Variants in AFMID observed in about 807,000 individuals in gnomAD.
The protein encoded by AFMID is kynurenine formamidase.
In AFMID, 39 loss-of-function variants were observed where a neutral mutation model predicts 47.5. The ratio of observed to expected loss-of-function variants is 0.82; its 90% CI spans 0.64 to 1.07. The LOEUF is 1.07. AFMID is among the 50% of genes least tolerant of loss of function. The pLI is 0.00. For synonymous variants in AFMID, 130 were observed against 153.2 expected (o/e 0.85, Z 1.12); for missense variants, 375 against 387.5 (o/e 0.97, Z 0.27).
intron 2 of AFMID, among the ~76,000 whole-genome samples, chr17:78,195,520 G>T (rs10852707): frequency 0.46 from 63,038 of 138,268 alleles, 14,595 homozygotes; most frequent in African/African-American, 0.64. Flanking sequence ...TTTTTTTTTT[G>T]GGGCGGAGTT....
chr17:78,190,684 G>A, intron 1 of AFMID: 1 of 347,728 alleles, frequency 2.9e-6, no homozygotes, highest in Non-Finnish European at 5.3e-6. Context: ...GAGCCACCGG[G>A]CCACCTGGCC....
In AFMID at chr17:78,202,582, T is replaced by C; in HGVS notation, c.238T>C (p.Phe80Leu). The C allele has an allele frequency of 6.2e-7, 1 of 1,614,096 alleles. No individual in the cohort carries two copies. Among genetic ancestry groups the C allele is most frequent in the Non-Finnish European group, 8.5e-7 (1 of 1,180,008 alleles). Residue 80 changes from phenylalanine (F) to leucine (L), a missense_variant, in exon 3 of 11, where the codon TTC becomes CTC. Phe to Leu is a conservative substitution (Grantham distance 22). Transcript: ENST00000409257. Reference sequence around the variant, plus strand: ...CGAAGGGGAGAAAGTGGACATTTACTTCCCCGACGAGTCGTCTGAAGGTTG... The same window carrying C: ...CGAAGGGGAGAAAGTGGACATTTACCTCCCCGACGAGTCGTCTGAAGGTTG... ...DGEGEKVDIY[F>L]PDESSEALPF...
chr17:78,206,122 A>C, intron 10 of AFMID, 72 bp downstream of exon 10: 1 of 1,360,470 alleles, frequency 7.4e-7, no homozygotes, highest in Non-Finnish European at 1.0e-6. Context: ...TAGATGTGCA[A>C]ACCAGGAGTT....
chr17:78,199,736 C>T (rs1454163521), intron 2 of AFMID, among the ~76,000 whole-genome samples: 5 of 152,180 alleles, frequency 3.3e-5, no homozygotes, highest in African/African-American at 1.2e-4. Context: ...CCTCCAGGGA[C>T]AGGGATCCCA....
chr17:78,204,561 G>A (rs952878632), intron 4 of AFMID, 95 bp from the exon 5 acceptor site: 23 of 1,202,920 alleles, frequency 1.9e-5, no homozygotes, highest in African/African-American at 1.8e-4. Context: ...GATGCTGTGC[G>A]TGGACAGGAC....
chr17:78,204,818 CTCTG>C lies in AFMID; in HGVS notation c.395-8_395-5del. 1 of 1,614,228 alleles carries C rather than the reference CTCTG, an allele frequency of 6.2e-7. No homozygotes were observed. The highest frequency in any genetic ancestry group is 1.7e-5 in the Admixed American group (1 of 60,022). The stretch of plus-strand genomic sequence containing the variant: ...GTGCATCCCTGACCCAGCTCATGCT[CTCTG>C]TGCAGGCACCCTGGACCACATGGTA... On this transcript the variant is annotated splice_region_variant and splice_polypyrimidine_tract_variant and intron_variant, in intron 5 of 10. Coordinates refer to ENST00000409257, the MANE Select transcript of AFMID (RefSeq NM_001010982.5).
chr17:78,192,803 C>CTGTAAACTAGTGAAGTCTT, intron 2 of AFMID: 1 of 340,804 alleles, frequency 2.9e-6, no homozygotes, highest in Non-Finnish European at 6.3e-6. Flanking sequence ...CGCAGCCAAC[C>CTGTAAACTAGTGAAGTCTT]ATGCTTGGCA....
intron 1 of AFMID, among the ~76,000 whole-genome samples, chr17:78,190,071 C>T (rs900528745): frequency 6.6e-6 from 1 of 151,594 alleles, no homozygotes; most frequent in Non-Finnish European, 1.5e-5. Flanking sequence ...ACCTCGTGAT[C>T]CCGCCTCCGC....
At position 78,207,198 on chromosome 17, in the gene AFMID, T is replaced by C. The variant is rs555902805; in HGVS notation, c.*261T>C. The stretch of plus-strand genomic sequence containing the variant: ...ATGCTCAGAGATGCCCGGAGCTGCC[T>C]CTTAGACTCGTCTGGCCCATCTACC... On this transcript the variant is annotated 3_prime_UTR_variant, in exon 11 of 11. Transcript: ENST00000409257. 8 of 499,900 alleles carry C rather than the reference T, an allele frequency of 1.6e-5. No individual in the cohort carries two copies. Among genetic ancestry groups the C allele is most frequent in the African/African-American group, 1.0e-4 (5 of 50,158 alleles). The allele number at this position is 499,900 out of a possible 1,614,324, so 31.0% of individuals were successfully genotyped here.
chr17:78,195,437 C>T (rs1279492708), intron 2 of AFMID, among the ~76,000 whole-genome samples: 2 of 151,140 alleles, frequency 1.3e-5, no homozygotes, highest in Admixed American at 6.6e-5. Flanking sequence ...TCAGGTGATC[C>T]GCCTGCCTCG....
chr17:78,200,304 G>A (rs1430449083), intron 2 of AFMID, among the ~76,000 whole-genome samples: 3 of 152,078 alleles, frequency 2.0e-5, no homozygotes, highest in Admixed American at 6.6e-5. Flanking sequence ...ACAGGCACGC[G>A]CCACCACGCC....
chr17:78,197,718 G>A (rs1278076833), intron 2 of AFMID, among the ~76,000 whole-genome samples: 1 of 152,016 alleles, frequency 6.6e-6, no homozygotes, highest in Non-Finnish European at 1.5e-5. Context: ...CAGGGAACAG[G>A]TCAAAGGGTA....
chr17:78,199,668 C>T (rs867608799), intron 2 of AFMID, among the ~76,000 whole-genome samples: 4 of 120,600 alleles, frequency 3.3e-5, no homozygotes, highest in Middle Eastern at 3.7e-3. Flanking sequence ...CCGCCGCGCC[C>T]GGCCAGGCTT....
At chr17:78,203,055 C>CTTTT (rs56016227) in intron 4 of AFMID, 62 of 111,132 alleles carry the variant, frequency 5.6e-4, no homozygotes, top group East Asian at 9.1e-4. Flanking sequence ...CTTCCTCTCT[C>CTTTT]TTTTTTTTTT....
intron 2 of AFMID, among the ~76,000 whole-genome samples, chr17:78,194,963 G>T (rs1365572025): frequency 6.6e-6 from 1 of 151,940 alleles, no homozygotes; most frequent in Non-Finnish European, 1.5e-5. Context: ...CAAAGTGCTG[G>T]GATTACAGGC....
chr17:78,196,945 C>T (rs2076130039), intron 2 of AFMID, among the ~76,000 whole-genome samples: 1 of 152,156 alleles, frequency 6.6e-6, no homozygotes, highest in African/African-American at 2.4e-5. Flanking sequence ...CATTCTCTGT[C>T]TCTGCACCCC....
At chr17:78,189,866 C>G (rs916218332) in intron 1 of AFMID, among the ~76,000 whole-genome samples, 2 of 127,836 alleles carry the variant, frequency 1.6e-5, no homozygotes, top group East Asian at 2.4e-4. Flanking sequence ...GGGTCTCACT[C>G]TGTCGCCCAG....
At chr17:78,204,579 A>C in intron 4 of AFMID, 77 bp from the exon 5 acceptor site, 2 of 1,408,086 alleles carry the variant, frequency 1.4e-6, no homozygotes, top group South Asian at 1.2e-5. Flanking sequence ...GACATCTGGC[A>C]AGTGGTGTGT....
chr17:78,190,475 C>T (rs2075935800), intron 1 of AFMID, among the ~76,000 whole-genome samples: 1 of 152,118 alleles, frequency 6.6e-6, no homozygotes, highest in Non-Finnish European at 1.5e-5. Context: ...CTCACTGCAA[C>T]CTCCACCTCC....
Sources: gnomAD v4.1 joint callset for allele counts (sites outside exome capture counted in the v4.1 genomes callset) on GRCh38, gnomAD v4.1.1 for gene constraint, MANE v1.5 for transcripts, NCBI Gene and HGNC (gene_info 2026-07-23, HGNC 2026-07-21) for gene names.